Variants in CD99L2 observed in about 807,000 individuals in gnomAD.
The protein encoded by CD99L2 is CD99 molecule like 2.
Under a neutral mutation model 27.3 loss-of-function variants are expected in CD99L2, and 24 were observed. The ratio of observed to expected loss-of-function variants is 0.88; its 90% CI spans 0.64 to 1.24. The LOEUF is 1.24. Among genes scored for constraint, CD99L2 ranks in the 50% most tolerant of loss-of-function variants. The pLI is 0.00. For missense variants in CD99L2, 255 were observed against 221.6 expected (o/e 1.15, Z -0.96); for synonymous variants, 97 against 87.9 (o/e 1.10, Z -0.58).
At chrX:150,848,792 C>G (rs782167202) in intron 1 of CD99L2, among the ~76,000 whole-genome samples, 2 of 111,434 alleles carry the variant, frequency 1.8e-5, no homozygotes, top group Non-Finnish European at 3.8e-5. Flanking sequence ...GCTGGGGACC[C>G]AGGCATGTGC....
At chrX:150,777,281 C>G in intron 8 of CD99L2, 163 bp downstream of exon 8, 1 of 596,403 alleles carries the variant, frequency 1.7e-6, no homozygotes. Context: ...AGGCGTGCAG[C>G]TTTTTCCATC....
intron 1 of CD99L2, among the ~76,000 whole-genome samples, chrX:150,878,913 C>T (rs1478983038): frequency 8.9e-6 from 1 of 111,958 alleles, no homozygotes; most frequent in Non-Finnish European, 1.9e-5. Context: ...ACATTTCCTG[C>T]TACCAACTCT....
At position 150,898,650 on chromosome X, in the gene CD99L2, G is replaced by A. The variant is rs1273755839; in HGVS notation, c.-62C>T. On this transcript the variant is annotated 5_prime_UTR_variant, in exon 1 of 11. Coordinates refer to ENST00000370377, the MANE Select transcript of CD99L2 (RefSeq NM_031462.4). ...TTAGCGCGAGAGCGCCCGAAGGGGA[G>A]GCCGAGGAGGAGCGGGAGGAGGAGC... is the stretch of plus-strand genomic sequence containing the variant. The A allele has an allele frequency of 4.0e-6, 4 of 998,363 alleles. No homozygotes were observed. The highest frequency in any genetic ancestry group is 3.9e-4 in the Middle Eastern group (1 of 2,577). The allele number at this position is 998,363 out of a possible 1,213,427, so 82.3% of individuals were successfully genotyped here.
intron 2 of CD99L2, among the ~76,000 whole-genome samples, chrX:150,822,038 A>G (rs2046250149): frequency 8.9e-6 from 1 of 112,265 alleles, no homozygotes; most frequent in Non-Finnish European, 1.9e-5. Flanking sequence ...AAAAGAATTT[A>G]AAACAGGTAT....
intron 7 of CD99L2, among the ~76,000 whole-genome samples, chrX:150,780,620 G>A (rs1415652959): frequency 9.0e-6 from 1 of 110,773 alleles, no homozygotes; most frequent in Non-Finnish European, 1.9e-5. Flanking sequence ...TGTAAAAGGA[G>A]TCCTTAAAAT....
intron 4 of CD99L2, among the ~76,000 whole-genome samples, chrX:150,801,803 C>G (rs1474081825): frequency 3.6e-5 from 4 of 111,623 alleles, no homozygotes; most frequent in Non-Finnish European, 7.5e-5. Flanking sequence ...TGTCAACAGG[C>G]CAAAGAAGAC....
chrX:150,778,604 T>C (rs2045449420), intron 7 of CD99L2, among the ~76,000 whole-genome samples: 1 of 106,514 alleles, frequency 9.4e-6, no homozygotes, highest in African/African-American at 3.5e-5. Flanking sequence ...AAAAGATTCA[T>C]GTTGGTGTGC....
chrX:150,777,151 C>G, intron 8 of CD99L2: 1 of 358,784 alleles, frequency 2.8e-6, no homozygotes. Context: ...AGGGACGGCT[C>G]TCTCTCCCTC....
chrX:150,841,936 G>A (rs1195048201), intron 1 of CD99L2, among the ~76,000 whole-genome samples: 1 of 111,498 alleles, frequency 9.0e-6, no homozygotes, highest in Non-Finnish European at 1.9e-5. Flanking sequence ...TTCTATGCAA[G>A]CTATTAACTA....
intron 1 of CD99L2, among the ~76,000 whole-genome samples, chrX:150,868,585 G>A (rs1557422112): frequency 8.9e-6 from 1 of 112,084 alleles, no homozygotes; most frequent in African/African-American, 3.2e-5. Context: ...TAGAACACTA[G>A]ACTTATTCTT....
At chrX:150,821,195 A>G (rs1310198256) in intron 2 of CD99L2, among the ~76,000 whole-genome samples, 1 of 111,805 alleles carries the variant, frequency 8.9e-6, no homozygotes, top group Non-Finnish European at 1.9e-5. Flanking sequence ...ATTGCATGGG[A>G]CCCTAAATAG....
chrX:150,844,835 G>C (rs781798152), intron 1 of CD99L2, among the ~76,000 whole-genome samples: 1 of 110,245 alleles, frequency 9.1e-6, no homozygotes, highest in Non-Finnish European at 1.9e-5. Flanking sequence ...GGTCTGACCC[G>C]GTCACTGACA....
chrX:150,778,327 T>C, intron 7 of CD99L2, among the ~76,000 whole-genome samples: 1 of 110,101 alleles, frequency 9.1e-6, no homozygotes, highest in Non-Finnish European at 1.9e-5. Flanking sequence ...GGAGACTGTG[T>C]TCCCAGAGCC....
rs1314937553 is a variant in CD99L2 at position 150,766,860 on chromosome X, A to G, written c.*2174T>C. ...AGGGGTCTTCCAGGCATGTCCAGTCACTAGGAGCTGCCACCGGTGGGCTTG... is the reference window on the plus strand; with the variant it reads ...AGGGGTCTTCCAGGCATGTCCAGTCGCTAGGAGCTGCCACCGGTGGGCTTG... On this transcript the variant is annotated 3_prime_UTR_variant, in exon 11 of 11. Coordinates refer to ENST00000370377, the MANE Select transcript of CD99L2 (RefSeq NM_031462.4). 8.9e-6 allele frequency: 1 copy of G among 111,887 alleles called. No homozygotes were observed. The highest frequency in any genetic ancestry group is 1.9e-5 in the Non-Finnish European group (1 of 53,162). 9.2% of individuals were successfully genotyped at this position (111,887 alleles called of 1,213,427 possible). A position where few individuals can be genotyped will look rare whatever the true frequency, so the allele number is the denominator to read the frequency against.
intron 9 of CD99L2, among the ~76,000 whole-genome samples, chrX:150,773,702 G>C (rs184526257): frequency 8.9e-6 from 1 of 112,412 alleles, no homozygotes; most frequent in Admixed American, 9.4e-5. Context: ...CTGGATTTAG[G>C]ATATAAACCG....
chrX:150,814,605 A>T (rs1236732507), intron 4 of CD99L2, among the ~76,000 whole-genome samples: 1 of 112,718 alleles, frequency 8.9e-6, no homozygotes, highest in Non-Finnish European at 1.9e-5. Flanking sequence ...TTTTAGATTA[A>T]TAAAGTCTTT....
At chrX:150,807,342 T>C (rs896056218) in intron 4 of CD99L2, among the ~76,000 whole-genome samples, 1 of 111,686 alleles carries the variant, frequency 9.0e-6, no homozygotes, top group African/African-American at 3.3e-5. Flanking sequence ...CCAGGGTTTC[T>C]TTGGCCAAAG....
At position 150,838,675 on chromosome X, in the gene CD99L2, G is replaced by A. The variant is rs1404963565; in HGVS notation, c.68-7382C>T. Among the ~76,000 whole-genome samples the A allele has an allele frequency of 2.2e-4, 8 of 36,564 alleles. No homozygotes were observed. In the East Asian group the frequency reaches 3.6e-3, roughly 17 times the overall value. The allele number at this position is 36,564 out of a possible 115,157, so 31.8% of individuals were successfully genotyped here. A position where few individuals can be genotyped will look rare whatever the true frequency, so the allele number is the denominator to read the frequency against. ...AGTCAACCCAACAAAAGTCACCAGA[G>A]GTTAAAAAAAAAAAAAAAAAGAACT... On this transcript the variant is annotated intron_variant, in intron 1 of 10. Coordinates refer to ENST00000370377, the MANE Select transcript of CD99L2 (RefSeq NM_031462.4).
At chrX:150,781,273 A>T (rs1047352108) in intron 7 of CD99L2, among the ~76,000 whole-genome samples, 18 of 112,741 alleles carry the variant, frequency 1.6e-4, no homozygotes, top group South Asian at 3.6e-4. Context: ...TTATTTTTTT[A>T]AAAATCACAA....
Sources: gnomAD v4.1 joint callset for allele counts (sites outside exome capture counted in the v4.1 genomes callset) on GRCh38, gnomAD v4.1.1 for gene constraint, MANE v1.5 for transcripts, NCBI Gene and HGNC (gene_info 2026-07-23, HGNC 2026-07-21) for gene names.